The following EVA1A variants were observed in gnomAD, a reference collection of about 807,000 sequenced individuals.
The protein encoded by EVA1A is protein eva-1 homolog A.
EVA1A carries 7 observed loss-of-function variants against 9.8 expected under a neutral mutation model. The ratio of observed to expected loss-of-function variants is 0.71; its 90% CI spans 0.41 to 1.34. EVA1A has a LOEUF of 1.34. EVA1A is among the 40% of genes most tolerant of loss of function. EVA1A has a pLI of 0.01. For missense variants in EVA1A, 206 were observed against 205.9 expected (o/e 1.00, Z 0.00); for synonymous variants, 90 against 85.6 (o/e 1.05, Z -0.28).
Position 75,525,387 on chromosome 2 carries a change from A to C in EVA1A, c.-191-2900T>G, listed in dbSNP as rs540805555. ...ATAGGAACTTATATTTCCTCTTTCC[A>C]TTTCTTCCATCAGTCCCTCCTTGGC... is the stretch of plus-strand genomic sequence containing the variant. On this transcript the variant is annotated intron_variant, in intron 1 of 3. Coordinates refer to ENST00000393913, the MANE Select transcript of EVA1A (RefSeq NM_001135032.2). 5.9e-5 allele frequency among the ~76,000 whole-genome samples: 9 copies of C among 151,876 alleles called. No homozygotes were observed. The South Asian group carries it at 1.9e-3, about 32-fold the overall frequency.
chr2:75,499,440 G>C (rs1190191944), intron 3 of EVA1A, among the ~76,000 whole-genome samples: 4 of 152,058 alleles, frequency 2.6e-5, no homozygotes, highest in Non-Finnish European at 4.4e-5. Context: ...AGCCATAAAG[G>C]GTCAGTCCAG....
chr2:75,554,233 C>T (rs1676622846), intron 1 of EVA1A, among the ~76,000 whole-genome samples: 2 of 152,186 alleles, frequency 1.3e-5, no homozygotes, highest in African/African-American at 4.8e-5. Flanking sequence ...TAAATTACAG[C>T]AGGTGTTTTG....
chr2:75,518,267 C>G (rs936169915), intron 2 of EVA1A, 59 bp from the exon 3 acceptor site: 1 of 1,461,790 alleles, frequency 6.8e-7, no homozygotes. Context: ...GGCCATGTTC[C>G]AGGTAGCCTG....
In EVA1A at chr2:75,555,853, C is replaced by T. The variant is rs77670297; in HGVS notation, c.-192+4827G>A. On this transcript the variant is annotated intron_variant, in intron 1 of 3. Coordinates refer to ENST00000393913, the MANE Select transcript of EVA1A (RefSeq NM_001135032.2). ...CATGCTGTTTCCTATCTGTAATGCT[C>T]TTTAATCACCAGTCCCTTCAAACCC... is the stretch of plus-strand genomic sequence containing the variant. 6.8e-3 allele frequency among the ~76,000 whole-genome samples: 1,043 copies of T among 152,304 alleles called. 13 individuals carry two copies. Among genetic ancestry groups the T allele is most frequent in the African/African-American group, 0.023 (953 of 41,566 alleles).
chr2:75,513,925 T>C (rs1451121367), intron 3 of EVA1A, among the ~76,000 whole-genome samples: 1 of 152,190 alleles, frequency 6.6e-6, no homozygotes, highest in Non-Finnish European at 1.5e-5. Flanking sequence ...TTTTTTGCAG[T>C]TGAAAACAAT....
At chr2:75,518,448 C>A (rs4852380) in intron 2 of EVA1A, among the ~76,000 whole-genome samples, 55,354 of 151,796 alleles carry the variant, frequency 0.36, 10,251 homozygotes, top group Admixed American at 0.39. Flanking sequence ...AAAAACTAGC[C>A]AGGCTCCTAA....
Position 75,493,585 on chromosome 2 carries a change from T to A in EVA1A, c.110A>T (p.Tyr37Phe). Residue 37 changes from tyrosine (Y) to phenylalanine (F), a missense_variant, in exon 4 of 4, where the codon TAC becomes TTC. Tyr to Phe is a conservative substitution (Grantham distance 22). Transcript: ENST00000393913. ...CCCGATGCACACGCCAGAAACAAAG[T>A]ACAGAGCTGCTCGCTCAGGATTTTC... Reference protein sequence around the residue: ...VSENPERAALYFVSGVCIGLV... With the variant: ...VSENPERAALFFVSGVCIGLV... 1 of 1,603,858 alleles carries A rather than the reference T, an allele frequency of 6.2e-7. No individual in the cohort carries two copies. The highest frequency in any genetic ancestry group is 1.7e-4 in the Middle Eastern group (1 of 6,020).
chr2:75,536,348 G>A (rs1017613768), intron 1 of EVA1A, among the ~76,000 whole-genome samples: 1 of 148,792 alleles, frequency 6.7e-6, no homozygotes, highest in Non-Finnish European at 1.5e-5. Flanking sequence ...ACAAAACAAA[G>A]CAAAAACACC....
At chr2:75,560,435 A>T (rs958850333) in intron 1 of EVA1A, among the ~76,000 whole-genome samples, 6 of 152,182 alleles carry the variant, frequency 3.9e-5, no homozygotes, top group African/African-American at 1.2e-4. Context: ...AGAAAGAAGC[A>T]GGGGGGGCGA....
chr2:75,531,031 C>A (rs1467540322), intron 1 of EVA1A, among the ~76,000 whole-genome samples: 1 of 152,134 alleles, frequency 6.6e-6, no homozygotes, highest in African/African-American at 2.4e-5. Flanking sequence ...GCTCCTAGAA[C>A]TGATAAATGA....
chr2:75,556,934 G>T (rs889335072), intron 1 of EVA1A, among the ~76,000 whole-genome samples: 3 of 152,166 alleles, frequency 2.0e-5, no homozygotes, highest in African/African-American at 4.8e-5. Context: ...GGGGTTTGAG[G>T]ACCTCACCAT....
intron 1 of EVA1A, among the ~76,000 whole-genome samples, chr2:75,567,687 T>G (rs1677052286): frequency 6.6e-6 from 1 of 152,230 alleles, no homozygotes; most frequent in Non-Finnish European, 1.5e-5. Flanking sequence ...GAACACGGTT[T>G]CCTTATGCAC....
chr2:75,518,316 G>T, intron 2 of EVA1A, 108 bp from the exon 3 acceptor site: 1 of 1,207,262 alleles, frequency 8.3e-7, no homozygotes, highest in Non-Finnish European at 1.1e-6. Flanking sequence ...CTGATTTGCA[G>T]GTGTCCTTTG....
intron 3 of EVA1A, among the ~76,000 whole-genome samples, chr2:75,503,138 C>G (rs1308163658): frequency 1.2e-4 from 18 of 152,200 alleles, no homozygotes; most frequent in Admixed American, 1.2e-3. Context: ...AGGGAATTCA[C>G]TGGATCCCAA....
intron 3 of EVA1A, among the ~76,000 whole-genome samples, chr2:75,516,148 A>T (rs935240895): frequency 6.6e-6 from 1 of 152,224 alleles, no homozygotes; most frequent in African/African-American, 2.4e-5. Flanking sequence ...CATTTTCCAC[A>T]ATTTTCTTCC....
At chr2:75,510,743 G>A (rs567371897) in intron 3 of EVA1A, among the ~76,000 whole-genome samples, 1 of 152,146 alleles carries the variant, frequency 6.6e-6, no homozygotes, top group South Asian at 2.1e-4. Context: ...AGACACAAAG[G>A]ACTAATATAG....
Position 75,493,383 on chromosome 2 carries a change from C to G in EVA1A, c.312G>C (p.Glu104Asp). The part of the protein sequence containing the change: ...DLSVRRHRRF[E>D]RTLNKNVFTS... ...TGAACACATTCTTGTTCAAAGTCCT[C>G]TCGAAGCGGCGGTGTCTCCGCACGG... is the stretch of plus-strand genomic sequence containing the variant. Residue 104 changes from glutamate (E) to aspartate (D), a missense_variant, in exon 4 of 4, where the codon GAG becomes GAC. Glu to Asp is a conservative substitution (Grantham distance 45). Coordinates refer to ENST00000393913, the MANE Select transcript of EVA1A (RefSeq NM_001135032.2). 2 of 1,614,246 alleles carry G rather than the reference C, an allele frequency of 1.2e-6. No individual in the cohort carries two copies. The highest frequency in any genetic ancestry group is 1.7e-6 in the Non-Finnish European group (2 of 1,180,046).
At chr2:75,532,907 C>A (rs546728881) in intron 1 of EVA1A, among the ~76,000 whole-genome samples, 1 of 152,156 alleles carries the variant, frequency 6.6e-6, no homozygotes, top group South Asian at 2.1e-4. Flanking sequence ...CTTTGGGAAG[C>A]CGAGGTGGGC....
intron 3 of EVA1A, among the ~76,000 whole-genome samples, chr2:75,512,012 GATTT>G (rs1674834380): frequency 6.6e-6 from 1 of 151,716 alleles, no homozygotes; most frequent in South Asian, 2.1e-4. Flanking sequence ...AGGAGAAGGT[GATTT>G]ATTTGTTTAT....
Sources: allele counts gnomAD v4.1 joint callset (sites outside exome capture counted in the v4.1 genomes callset), GRCh38; gene constraint gnomAD v4.1.1; transcripts MANE v1.5; gene names NCBI Gene and HGNC (gene_info 2026-07-23, HGNC 2026-07-21).